The following DPP10 variants were observed in gnomAD, a reference collection of about 807,000 sequenced individuals.
The protein encoded by DPP10 is inactive dipeptidyl peptidase 10.
In DPP10, 33 loss-of-function variants were observed where a neutral mutation model predicts 120.9. That is an observed-to-expected ratio of 0.27 (90% CI 0.21 to 0.37). The LOEUF (loss-of-function observed/expected upper bound fraction) is 0.37. Among genes scored for constraint, DPP10 ranks in the 10% least tolerant of loss-of-function variants. The pLI is 1.00. For missense variants in DPP10, 816 were observed against 942.8 expected (o/e 0.87, Z 1.76); for synonymous variants, 337 against 326.1 (o/e 1.03, Z -0.36).
intron 1 of DPP10, among the ~76,000 whole-genome samples, chr2:114,957,013 A>G (rs956890455): frequency 6.6e-6 from 1 of 150,992 alleles, no homozygotes; most frequent in Non-Finnish European, 1.5e-5. Flanking sequence ...AGAAAACTGC[A>G]TGATATTGAT....
chr2:114,497,253 G>A (rs1316680314), intron 1 of DPP10, among the ~76,000 whole-genome samples: 5 of 82,786 alleles, frequency 6.0e-5, no homozygotes, highest in African/African-American at 2.0e-4. Context: ...GTGTATGCAT[G>A]TACGTGTGTA....
chr2:114,765,781 T>C (rs1169294497), intron 1 of DPP10, among the ~76,000 whole-genome samples: 1 of 152,164 alleles, frequency 6.6e-6, no homozygotes, highest in Non-Finnish European at 1.5e-5. Flanking sequence ...GGGAACTTCA[T>C]TGAAAATATT....
intron 1 of DPP10, among the ~76,000 whole-genome samples, chr2:115,084,593 T>C (rs573584994): frequency 6.6e-6 from 1 of 152,322 alleles, no homozygotes; most frequent in South Asian, 2.1e-4. Context: ...TGTTTTTGTG[T>C]TCTTGAAACA....
intron 1 of DPP10, among the ~76,000 whole-genome samples, chr2:115,259,040 C>T (rs2059132344): frequency 6.6e-6 from 1 of 152,164 alleles, no homozygotes; most frequent in Admixed American, 6.5e-5. Context: ...CAGAGGTAGT[C>T]ATCCAGGACA....
At chr2:115,260,901 T>C (rs1029073876) in intron 1 of DPP10, among the ~76,000 whole-genome samples, 7 of 152,028 alleles carry the variant, frequency 4.6e-5, no homozygotes, top group African/African-American at 1.7e-4. Context: ...GACAAGGGAG[T>C]TGGGGCGTGC....
rs117203568 is a variant in DPP10, at chr2:114,702,646, C to T, written c.60+259808C>T. 1.8e-4 allele frequency among the ~76,000 whole-genome samples: 27 copies of T among 152,224 alleles called. No homozygotes were observed. The East Asian group carries it at 5.2e-3, about 30-fold the overall frequency. ...ATGCCTATTTCATTCCTCACTGCAC[C>T]TATGGCTTTATATTGCCTTGTCATA... On this transcript the variant is annotated intron_variant, in intron 1 of 25. Coordinates refer to ENST00000410059, the MANE Select transcript of DPP10 (RefSeq NM_020868.6).
chr2:115,798,846 T>C (rs1684837491), intron 19 of DPP10, among the ~76,000 whole-genome samples: 1 of 152,150 alleles, frequency 6.6e-6, no homozygotes, highest in African/African-American at 2.4e-5. Flanking sequence ...GGGCATTCTC[T>C]TATAGCCGTT....
intron 3 of DPP10, among the ~76,000 whole-genome samples, chr2:115,485,340 C>T (rs1415813516): frequency 1.3e-5 from 2 of 151,666 alleles, no homozygotes; most frequent in South Asian, 2.1e-4. Flanking sequence ...AAAGTTATTG[C>T]CTCATTTCCA....
chr2:115,057,422 G>C (rs1298250758), intron 1 of DPP10, among the ~76,000 whole-genome samples: 3 of 152,016 alleles, frequency 2.0e-5, no homozygotes, highest in Non-Finnish European at 2.9e-5. Flanking sequence ...TTCTTGCTTT[G>C]TGAAAATTTA....
chr2:115,474,766 C>A (rs1335238536), intron 3 of DPP10, among the ~76,000 whole-genome samples: 1 of 148,764 alleles, frequency 6.7e-6, no homozygotes, highest in Non-Finnish European at 1.5e-5. Flanking sequence ...GGGAGGAATT[C>A]AAGCAGGTGG....
At chr2:114,928,061 C>T (rs1242247560) in intron 1 of DPP10, among the ~76,000 whole-genome samples, 2 of 152,190 alleles carry the variant, frequency 1.3e-5, no homozygotes, top group South Asian at 2.1e-4. Flanking sequence ...GAGGCCCCAC[C>T]TCCAATCTCC....
intron 1 of DPP10, among the ~76,000 whole-genome samples, chr2:114,945,342 A>G (rs751706039): frequency 1.3e-5 from 2 of 152,236 alleles, no homozygotes; most frequent in African/African-American, 2.4e-5. Context: ...TATGTATCTG[A>G]TAAGGGATTG....
At chr2:115,315,985 A>T (rs2061773993) in intron 2 of DPP10, among the ~76,000 whole-genome samples, 1 of 152,128 alleles carries the variant, frequency 6.6e-6, no homozygotes, top group Non-Finnish European at 1.5e-5. Flanking sequence ...GCCATATGTG[A>T]TTCCCTTAGT....
chr2:114,664,775 G>A (rs1189332795), intron 1 of DPP10, among the ~76,000 whole-genome samples: 2 of 151,484 alleles, frequency 1.3e-5, no homozygotes, highest in Non-Finnish European at 2.9e-5. Context: ...ATGGCATAGA[G>A]CATCCAAAAG....
chr2:115,448,453 A>G (rs1183707299), intron 3 of DPP10, among the ~76,000 whole-genome samples: 1 of 152,198 alleles, frequency 6.6e-6, no homozygotes, highest in East Asian at 1.9e-4. Flanking sequence ...AGCTAAAGCC[A>G]AGTGAGCCCC....
At chr2:114,906,211 C>G (rs576741416) in intron 1 of DPP10, among the ~76,000 whole-genome samples, 1 of 148,790 alleles carries the variant, frequency 6.7e-6, no homozygotes, top group East Asian at 1.9e-4. Flanking sequence ...AAACCCATCT[C>G]CACTAAAAAT....
intron 4 of DPP10, among the ~76,000 whole-genome samples, chr2:115,505,667 A>G (rs879318626): frequency 6.6e-6 from 1 of 152,132 alleles, no homozygotes; most frequent in Non-Finnish European, 1.5e-5. Flanking sequence ...AATTTTATAT[A>G]TTGCTGTCTC....
At chr2:114,891,928 T>A (rs192879531) in intron 1 of DPP10, among the ~76,000 whole-genome samples, 162 of 152,220 alleles carry the variant, frequency 1.1e-3, no homozygotes, top group Non-Finnish European at 1.9e-3. Flanking sequence ...TGCCTCATGC[T>A]GAGGATGTCT....
chr2:114,601,119 T>A (rs74686423), intron 1 of DPP10, among the ~76,000 whole-genome samples: 1,953 of 151,962 alleles, frequency 0.013, 50 homozygotes, highest in African/African-American at 0.045. Context: ...AGCAAGGTGA[T>A]TTTGTATAAC....
Sources: gnomAD v4.1 joint callset for allele counts (sites outside exome capture counted in the v4.1 genomes callset) on GRCh38, gnomAD v4.1.1 for gene constraint, MANE v1.5 for transcripts, NCBI Gene and HGNC (gene_info 2026-07-23, HGNC 2026-07-21) for gene names.